NTNG1: variants seen among roughly 807,000 people sequenced by gnomAD.
NTNG1 encodes the protein netrin-G1.
NTNG1 carries 16 observed loss-of-function variants against 54.0 expected under a neutral mutation model. The observed-to-expected ratio is 0.30, with a 90% CI of 0.20 to 0.45. The LOEUF is 0.45. Ranked by LOEUF, NTNG1 falls within the 20% of genes least tolerant of loss-of-function variation. NTNG1 has a pLI of 1.00. For missense variants in NTNG1, 530 were observed against 678.7 expected, an observed-to-expected ratio of 0.78 and a Z score of 2.43; for synonymous variants, 255 against 263.1, an observed-to-expected ratio of 0.97 and a Z score of 0.30.
intron 2 of NTNG1, among the ~76,000 whole-genome samples, chr1:107,303,529 A>T (rs1570629314): frequency 6.6e-6 from 1 of 152,178 alleles, no homozygotes; most frequent in Non-Finnish European, 1.5e-5. Context: ...TCATGAATAG[A>T]TTTATCTTTT....
intron 5 of NTNG1, among the ~76,000 whole-genome samples, chr1:107,425,142 C>T (rs1674812157): frequency 6.6e-6 from 1 of 151,554 alleles, no homozygotes; most frequent in Non-Finnish European, 1.5e-5. Flanking sequence ...AAACTAGCCA[C>T]ATTTAGCTAC....
At chr1:107,396,448 A>C (rs1476141490) in intron 4 of NTNG1, among the ~76,000 whole-genome samples, 2 of 152,206 alleles carry the variant, frequency 1.3e-5, no homozygotes, top group African/African-American at 4.8e-5. Context: ...AGGTTTAAAA[A>C]AATCCCTCTT....
chr1:107,451,196 C>T (rs1676604997), intron 7 of NTNG1, among the ~76,000 whole-genome samples: 1 of 149,000 alleles, frequency 6.7e-6, no homozygotes, highest in Non-Finnish European at 1.5e-5. Context: ...TGCTATTTTT[C>T]AGCAAAGTTA....
chr1:107,217,302 A>G (rs1440309062), intron 2 of NTNG1, among the ~76,000 whole-genome samples: 2 of 151,998 alleles, frequency 1.3e-5, no homozygotes, highest in East Asian at 3.9e-4. Flanking sequence ...CTTCCATTTC[A>G]CTTCTAATTG....
chr1:107,251,066 A>G (rs1468602901), intron 2 of NTNG1, among the ~76,000 whole-genome samples: 3 of 152,242 alleles, frequency 2.0e-5, no homozygotes, highest in Non-Finnish European at 2.9e-5. Context: ...TACATTTATC[A>G]TGAAGAAATT....
chr1:107,235,751 T>C (rs1482231271), intron 2 of NTNG1, among the ~76,000 whole-genome samples: 2 of 152,090 alleles, frequency 1.3e-5, no homozygotes, highest in African/African-American at 4.8e-5. Context: ...AAATAGGACA[T>C]AGGGGTCAGA....
chr1:107,426,041 G>A (rs1674889624), intron 5 of NTNG1, among the ~76,000 whole-genome samples: 1 of 151,952 alleles, frequency 6.6e-6, no homozygotes, highest in South Asian at 2.1e-4. Context: ...TTTTATTCTT[G>A]TTGAGTTATC....
chr1:107,254,916 C>A (rs527538235), intron 2 of NTNG1, among the ~76,000 whole-genome samples: 1 of 152,150 alleles, frequency 6.6e-6, no homozygotes, highest in Non-Finnish European at 1.5e-5. Flanking sequence ...AATACTGTAC[C>A]TTTGTCCAGA....
At chr1:107,298,278 A>G (rs1451585755) in intron 2 of NTNG1, among the ~76,000 whole-genome samples, 1 of 152,198 alleles carries the variant, frequency 6.6e-6, no homozygotes, top group Non-Finnish European at 1.5e-5. Context: ...TATTGGAGAT[A>G]GTGATGATGA....
intron 2 of NTNG1, among the ~76,000 whole-genome samples, chr1:107,204,851 C>G (rs1659058656): frequency 6.6e-6 from 1 of 152,104 alleles, no homozygotes; most frequent in African/African-American, 2.4e-5. Context: ...GGATGCTTCA[C>G]TAAATTTCCC....
chr1:107,267,053 CA>C (rs1663791344), intron 2 of NTNG1, among the ~76,000 whole-genome samples: 1 of 152,092 alleles, frequency 6.6e-6, no homozygotes, highest in South Asian at 2.1e-4. Flanking sequence ...CTACAATGTA[CA>C]AAAAATGTCA....
chr1:107,418,488 T>A (rs1674357679), intron 5 of NTNG1: 1 of 758,988 alleles, frequency 1.3e-6, no homozygotes, highest in African/African-American at 1.8e-5. Context: ...AGCAGATGTG[T>A]GGTTTGTGTC....
chr1:107,405,695 A>C (rs551929920), intron 4 of NTNG1, among the ~76,000 whole-genome samples: 13 of 152,236 alleles, frequency 8.5e-5, no homozygotes, highest in African/African-American at 3.1e-4. Flanking sequence ...GTTTGTAAAG[A>C]CATGAAAAGT....
At chr1:107,433,262 G>C (rs79024317) in intron 6 of NTNG1, among the ~76,000 whole-genome samples, 1 of 152,290 alleles carries the variant, frequency 6.6e-6, no homozygotes, top group African/African-American at 2.4e-5. Context: ...AGCTACATTA[G>C]GCCAGGTGCA....
intron 7 of NTNG1, among the ~76,000 whole-genome samples, chr1:107,470,017 A>G (rs1677877350): frequency 6.6e-6 from 1 of 152,150 alleles, no homozygotes; most frequent in African/African-American, 2.4e-5. Context: ...TACCAACAAG[A>G]TGGTCATCCG....
chr1:107,289,162 C>G (rs1018646591), intron 2 of NTNG1, among the ~76,000 whole-genome samples: 7 of 152,114 alleles, frequency 4.6e-5, no homozygotes, highest in East Asian at 1.9e-4. Flanking sequence ...CATACGTGCT[C>G]TGAATATCCT....
At chr1:107,300,221 C>T (rs1303695593) in intron 2 of NTNG1, among the ~76,000 whole-genome samples, 1 of 152,178 alleles carries the variant, frequency 6.6e-6, no homozygotes, top group African/African-American at 2.4e-5. Flanking sequence ...ACACTGGCAG[C>T]TTGCAGTTTG....
chr1:107,353,895 A>G (rs1404635819), intron 3 of NTNG1, among the ~76,000 whole-genome samples: 1 of 152,222 alleles, frequency 6.6e-6, no homozygotes, highest in African/African-American at 2.4e-5. Context: ...TGGAAAGAGC[A>G]GTACCAATGG....
chr1:107,313,090 A>G (rs1667120750), intron 2 of NTNG1, among the ~76,000 whole-genome samples: 1 of 152,174 alleles, frequency 6.6e-6, no homozygotes. Context: ...CCAGTAATAT[A>G]TTTTGTAGCA....
Sources: gnomAD v4.1 joint callset for allele counts (sites outside exome capture counted in the v4.1 genomes callset) on GRCh38, gnomAD v4.1.1 for gene constraint, MANE v1.5 for transcripts, NCBI Gene and HGNC (gene_info 2026-07-23, HGNC 2026-07-21) for gene names.